The following ZBTB20 variants were observed in gnomAD, a reference collection of about 807,000 sequenced individuals.
The protein encoded by ZBTB20 is zinc finger and BTB domain-containing protein 20.
A neutral mutation model predicts 56.9 loss-of-function variants in ZBTB20; 9 were observed. The ratio of observed to expected loss-of-function variants is 0.16; its 90% confidence interval spans 0.10 to 0.28. The LOEUF is 0.28. Among genes scored for constraint, ZBTB20 ranks in the 10% least tolerant of loss-of-function variants. The pLI is 1.00. For missense variants in ZBTB20, 655 were observed against 1,003.0 expected, an observed-to-expected ratio of 0.65 and a Z score of 4.69; for synonymous variants, 417 against 420.7, an observed-to-expected ratio of 0.99 and a Z score of 0.11.
chr3:114,810,447 T>A (rs2072436416), intron 4 of ZBTB20, among the ~76,000 whole-genome samples: 1 of 152,208 alleles, frequency 6.6e-6, no homozygotes, highest in African/African-American at 2.4e-5. Context: ...TTCTGCTCCA[T>A]CAAATTATCG....
At chr3:114,535,523 C>G (rs1183052712) in intron 6 of ZBTB20, among the ~76,000 whole-genome samples, 1 of 152,104 alleles carries the variant, frequency 6.6e-6, no homozygotes, top group Non-Finnish European at 1.5e-5. Flanking sequence ...AAAAAAAGCC[C>G]AGGACCAGAC....
chr3:114,613,074 G>A (rs2057675916), intron 6 of ZBTB20, among the ~76,000 whole-genome samples: 1 of 152,180 alleles, frequency 6.6e-6, no homozygotes, highest in African/African-American at 2.4e-5. Context: ...AATTCCAAAT[G>A]GAAAGAAAGC....
rs1353588590 is a variant in ZBTB20 at position 114,351,863 on chromosome 3, T to C, written c.215A>G (p.Lys72Arg). The change falls in exon 11 of 12, where the codon AAG becomes AGG. Residue 72 changes from lysine (K) to arginine (R), a missense_variant. Transcript: ENST00000675478. ...GCTGTGAATGCGCTCGGTCATCCCC[T>C]TGCAACTGATGTCACCTGCAGCATG... is the stretch of plus-strand genomic sequence containing the variant. ...TGSSDCDISC[K>R]GMTERIHSIN... 2.5e-6 allele frequency: 4 copies of C among 1,593,192 alleles called. No homozygotes were observed. The highest frequency in any genetic ancestry group is 8.6e-7 in the Non-Finnish European group (1 of 1,164,662).
chr3:115,090,538 T>C (rs1576754780), intron 1 of ZBTB20, among the ~76,000 whole-genome samples: 2 of 151,766 alleles, frequency 1.3e-5, no homozygotes, highest in African/African-American at 4.8e-5. Flanking sequence ...ACATTTTAAG[T>C]CATCTACAGA....
At chr3:114,850,678 T>G (rs1471661148) in intron 4 of ZBTB20, among the ~76,000 whole-genome samples, 1 of 152,202 alleles carries the variant, frequency 6.6e-6, no homozygotes, top group Non-Finnish European at 1.5e-5. Flanking sequence ...CAAAGTGTAA[T>G]CACTGTGTTC....
At chr3:114,516,484 A>G (rs1363162365) in intron 6 of ZBTB20, among the ~76,000 whole-genome samples, 2 of 152,218 alleles carry the variant, frequency 1.3e-5, no homozygotes, top group African/African-American at 4.8e-5. Flanking sequence ...TTCCAAATAG[A>G]AGTCATCCAT....
intron 6 of ZBTB20, among the ~76,000 whole-genome samples, chr3:114,512,620 C>T (rs1381510015): frequency 2.0e-5 from 3 of 152,126 alleles, no homozygotes; most frequent in African/African-American, 4.8e-5. Context: ...ACTATCAACA[C>T]AGCTAATTTT....
chr3:114,422,620 C>T (rs780068786), intron 7 of ZBTB20, among the ~76,000 whole-genome samples: 14 of 152,094 alleles, frequency 9.2e-5, no homozygotes, highest in Non-Finnish European at 1.9e-4. Flanking sequence ...TTCTGAAATG[C>T]ATTAAAATCA....
At chr3:114,590,673 T>C (rs147719820) in intron 6 of ZBTB20, among the ~76,000 whole-genome samples, 6 of 152,240 alleles carry the variant, frequency 3.9e-5, no homozygotes, top group Non-Finnish European at 7.4e-5. Flanking sequence ...GTGGCATTTC[T>C]ATTGCTTTCA....
At chr3:115,001,901 A>G (rs1007908121) in intron 2 of ZBTB20, among the ~76,000 whole-genome samples, 1 of 151,492 alleles carries the variant, frequency 6.6e-6, no homozygotes. Flanking sequence ...AACTGATTCT[A>G]AAGTTTATAT....
chr3:114,421,392 C>A (rs35243638), intron 7 of ZBTB20, among the ~76,000 whole-genome samples: 12 of 152,166 alleles, frequency 7.9e-5, no homozygotes, highest in Non-Finnish European at 1.0e-4. Context: ...TCAGTTATAC[C>A]TAAACTCTAA....
At chr3:115,012,278 G>GAACA (rs1201757571) in intron 2 of ZBTB20, among the ~76,000 whole-genome samples, 1 of 151,642 alleles carries the variant, frequency 6.6e-6, no homozygotes, top group Non-Finnish European at 1.5e-5. Context: ...GTGGATGAAT[G>GAACA]AACAAACAAA....
At chr3:114,438,425 A>AAC (rs397936225) in intron 7 of ZBTB20, among the ~76,000 whole-genome samples, 2 of 115,790 alleles carry the variant, frequency 1.7e-5, no homozygotes, top group Non-Finnish European at 3.7e-5. Context: ...CCAAAAAAAA[A>AAC]CAAAAAAAAC....
chr3:114,594,532 T>C (rs997664122), intron 6 of ZBTB20, among the ~76,000 whole-genome samples: 1 of 152,172 alleles, frequency 6.6e-6, no homozygotes. Context: ...CCCAATATAT[T>C]ATTAAAATAT....
intron 4 of ZBTB20, among the ~76,000 whole-genome samples, chr3:114,878,886 A>G (rs1560353734): frequency 6.6e-6 from 1 of 152,220 alleles, no homozygotes; most frequent in Non-Finnish European, 1.5e-5. Context: ...CAAAAAAGAA[A>G]TATGGTACAC....
rs114345677 is a variant in ZBTB20 at position 115,126,525 on chromosome 3, A to C, written c.-703+20694T>G. 9.6e-3 allele frequency among the ~76,000 whole-genome samples: 1,459 copies of C among 152,310 alleles called. 18 individuals carry two copies. Among genetic ancestry groups the C allele is most frequent in the African/African-American group, 0.033 (1,390 of 41,574 alleles). ...TCACAAATATTATATAGAAGTGAAA[A>C]GGAACCTGTAAGTTACAATTACACA... On this transcript the variant is annotated intron_variant, in intron 1 of 11. Transcript: ENST00000675478.
At chr3:114,544,488 ACTTTCTTTCTTTT>A (rs2049599806) in intron 6 of ZBTB20, among the ~76,000 whole-genome samples, 2 of 51,734 alleles carry the variant, frequency 3.9e-5, no homozygotes, top group South Asian at 6.1e-4. Context: ...TTTTTCTTTC[ACTTTCTTTCTTTT>A]CTTTCTTTCT....
At chr3:114,897,704 A>G (rs543899341) in intron 4 of ZBTB20, among the ~76,000 whole-genome samples, 48 of 152,232 alleles carry the variant, frequency 3.2e-4, no homozygotes, top group Non-Finnish European at 6.8e-4. Context: ...CACTGGAAAA[A>G]ACCGATGTCT....
chr3:114,393,978 T>G (rs551564982), intron 7 of ZBTB20, among the ~76,000 whole-genome samples: 1 of 152,298 alleles, frequency 6.6e-6, no homozygotes, highest in South Asian at 2.1e-4. Flanking sequence ...TAAGGAACTT[T>G]CTGCAGATGT....
Sources: allele counts gnomAD v4.1 joint callset (sites outside exome capture counted in the v4.1 genomes callset), GRCh38; gene constraint gnomAD v4.1.1; transcripts MANE v1.5; gene names NCBI Gene and HGNC (gene_info 2026-07-23, HGNC 2026-07-21).